Variants in EHBP1 observed in about 807,000 individuals in gnomAD.
EHBP1 encodes EH domain binding protein 1, also known as EH domain-binding protein 1.
EHBP1 carries 55 observed loss-of-function variants against 144.0 expected under a neutral mutation model. That is an observed-to-expected ratio of 0.38 (90% CI 0.31 to 0.48). The LOEUF is 0.48. Among genes scored for constraint, EHBP1 ranks in the 20% least tolerant of loss-of-function variants. The pLI, the probability that EHBP1 is intolerant of heterozygous loss-of-function variation, is 0.98. For missense variants in EHBP1, 1,200 were observed against 1,364.2 expected (o/e 0.88, Z 1.90); for synonymous variants, 469 against 472.7 (o/e 0.99, Z 0.10).
chr2:62,757,264 A>G (rs532293606), intron 3 of EHBP1, among the ~76,000 whole-genome samples: 6 of 152,078 alleles, frequency 3.9e-5, no homozygotes, highest in Non-Finnish European at 8.8e-5. Flanking sequence ...AGGCAGCTGG[A>G]GAGGCGTGCA....
intron 5 of EHBP1, among the ~76,000 whole-genome samples, chr2:62,810,094 G>T (rs973032396): frequency 1.3e-5 from 2 of 152,184 alleles, no homozygotes; most frequent in Non-Finnish European, 2.9e-5. Flanking sequence ...AAGTGGTATC[G>T]TGTGAACTAT....
intron 10 of EHBP1, among the ~76,000 whole-genome samples, chr2:62,893,549 CAAGACAAGGGGAAATATATTCCT>C (rs2052626899): frequency 6.6e-6 from 1 of 151,794 alleles, no homozygotes; most frequent in Admixed American, 6.6e-5. Context: ...TAGAATTTGC[CAAGACAAGGGGAAATATATTCCT>C]AAGAAATGTT....
At chr2:62,820,990 T>G (rs2045942397) in intron 5 of EHBP1, among the ~76,000 whole-genome samples, 1 of 151,400 alleles carries the variant, frequency 6.6e-6, no homozygotes. Flanking sequence ...ATTCTTAAGT[T>G]TTATGCTTTA....
chr2:62,994,160 T>TA (rs1002850423), intron 18 of EHBP1, 183 bp downstream of exon 18: 272 of 375,700 alleles, frequency 7.2e-4, no homozygotes, highest in Middle Eastern at 2.2e-3. Context: ...AATTGTCAGA[T>TA]AAAAAAAAAT....
intron 13 of EHBP1, among the ~76,000 whole-genome samples, chr2:62,951,750 C>T (rs2057404794): frequency 6.6e-6 from 1 of 152,070 alleles, no homozygotes; most frequent in South Asian, 2.1e-4. Flanking sequence ...GTCTCGAACT[C>T]CTGACCTCAG....
At chr2:63,016,213 G>C (rs1264049060) in intron 19 of EHBP1, among the ~76,000 whole-genome samples, 1 of 152,106 alleles carries the variant, frequency 6.6e-6, no homozygotes, top group East Asian at 1.9e-4. Context: ...TGATAGTATT[G>C]TTCCTTTCTG....
chr2:62,900,702 A>G (rs1025609525), intron 10 of EHBP1, among the ~76,000 whole-genome samples: 2 of 149,878 alleles, frequency 1.3e-5, no homozygotes, highest in African/African-American at 4.9e-5. Context: ...ATATATATAT[A>G]TTTTCTTTCT....
intron 5 of EHBP1, among the ~76,000 whole-genome samples, chr2:62,801,216 T>A (rs1382531441): frequency 6.6e-6 from 1 of 152,226 alleles, no homozygotes; most frequent in Non-Finnish European, 1.5e-5. Flanking sequence ...CTATGCAAAT[T>A]ACCGATGTCT....
At chr2:63,001,612 T>C (rs1486768879) in intron 19 of EHBP1, among the ~76,000 whole-genome samples, 1 of 152,202 alleles carries the variant, frequency 6.6e-6, no homozygotes, top group African/African-American at 2.4e-5. Flanking sequence ...CATATTTTGT[T>C]GTTTCTAACA....
At chr2:62,966,663 A>G (rs2058261142) in intron 14 of EHBP1, among the ~76,000 whole-genome samples, 1 of 152,204 alleles carries the variant, frequency 6.6e-6, no homozygotes, top group Non-Finnish European at 1.5e-5. Flanking sequence ...TTTAGTGTAC[A>G]TAAAATATTC....
intron 5 of EHBP1, among the ~76,000 whole-genome samples, chr2:62,816,800 A>AC (rs2045483136): frequency 6.6e-6 from 1 of 152,176 alleles, no homozygotes; most frequent in Non-Finnish European, 1.5e-5. Context: ...CCAAGGTATT[A>AC]CTGAAGTGGC....
In EHBP1 at chr2:62,864,812, A is replaced by G; in HGVS notation, c.839A>G (p.Gln280Arg). ...NNSYNPFKEV[Q>R]TPQYLNPFDE... ...AGCTATAATCCCTTTAAAGAGGTGC[A>G]GACTCCACAGTATTTGAACCCATTC... The change falls in exon 9 of 23, where the codon CAG becomes CGG. Residue 280 changes from glutamine to arginine, a missense_variant. By Grantham distance (43) the Gln-to-Arg change is conservative (BLOSUM62 1). Around this residue, in one of 6 missense-constraint regions of EHBP1, gnomAD observed 266 missense variants for 262.4 expected, o/e 1.01. Transcript: ENST00000431489. The G allele has an allele frequency of 6.2e-7, 1 of 1,614,110 alleles. No individual in the cohort carries two copies. Among genetic ancestry groups the G allele is most frequent in the East Asian group, 2.2e-5 (1 of 44,858 alleles).
intron 10 of EHBP1, among the ~76,000 whole-genome samples, chr2:62,935,344 A>AAATATAT (rs1553479000): frequency 1.6e-5 from 2 of 121,486 alleles, no homozygotes; most frequent in Non-Finnish European, 3.3e-5. Flanking sequence ...AAAAAAAAAA[A>AAATATAT]ATATATATAT....
intron 12 of EHBP1, 86 bp from the exon 13 acceptor site, chr2:62,948,174 C>G: frequency 7.9e-7 from 1 of 1,272,602 alleles, no homozygotes; most frequent in African/African-American, 1.5e-5. Flanking sequence ...TGTACCCAAA[C>G]AACAAAAATT....
chr2:62,891,085 G>A (rs2052421192), intron 10 of EHBP1, among the ~76,000 whole-genome samples: 1 of 151,624 alleles, frequency 6.6e-6, no homozygotes, highest in African/African-American at 2.4e-5. Flanking sequence ...GGCTGAGGCA[G>A]GAGAATCACT....
In EHBP1 at chr2:62,764,285, G is replaced by T; in HGVS notation, c.182G>T (p.Gly61Val). The change falls in exon 4 of 23, where the codon GGA becomes GTA. Residue 61 changes from glycine (G) to valine (V), a missense_variant. This residue lies in a region of EHBP1 where 137 missense variants were observed against 190.1 expected (regional missense o/e 0.72). Coordinates refer to ENST00000431489, the MANE Select transcript of EHBP1 (RefSeq NM_001142616.3). ...TGGTAGGCACATAGCTGGCAACCTG[G>T]AATAAAAAATCCCTATCGTGGTGTT... is the stretch of plus-strand genomic sequence containing the variant. ...KSSKAHSWQP[G>V]IKNPYRGVVV... 6.4e-7 allele frequency: 1 copy of T among 1,566,484 alleles called. No homozygotes were observed. The highest frequency in any genetic ancestry group is 8.6e-7 in the Non-Finnish European group (1 of 1,159,108).
chr2:62,714,509 G>A (rs1011793107), intron 2 of EHBP1, among the ~76,000 whole-genome samples: 4 of 152,118 alleles, frequency 2.6e-5, no homozygotes, highest in South Asian at 2.1e-4. Flanking sequence ...GTGTGACCTT[G>A]GATGAATTAT....
At chr2:63,035,153 GC>G (rs2061400412) in intron 19 of EHBP1, among the ~76,000 whole-genome samples, 1 of 152,082 alleles carries the variant, frequency 6.6e-6, no homozygotes, top group Admixed American at 6.5e-5. Context: ...AAATTTGAGA[GC>G]CCTGAAAACA....
intron 1 of EHBP1, among the ~76,000 whole-genome samples, chr2:62,674,999 G>C (rs2033234056): frequency 6.6e-6 from 1 of 152,184 alleles, no homozygotes; most frequent in African/African-American, 2.4e-5. Context: ...AGTGGTCAGA[G>C]AGGGAGAACT....
Sources: allele counts gnomAD v4.1 joint callset (sites outside exome capture counted in the v4.1 genomes callset), GRCh38; gene constraint gnomAD v4.1.1; regional missense constraint gnomAD v4.1.1; transcripts MANE v1.5; gene names NCBI Gene and HGNC (gene_info 2026-07-23, HGNC 2026-07-21).